Variants in PID1 observed in about 807,000 individuals in gnomAD.
PID1 encodes the protein PTB-containing, cubilin and LRP1-interacting protein.
In PID1, 10 loss-of-function variants were observed where a neutral mutation model predicts 19.1. The observed-to-expected ratio is 0.52, with a 90% confidence interval of 0.32 to 0.89. PID1 has a LOEUF of 0.89. Among genes scored for constraint, PID1 ranks in the 40% least tolerant of loss-of-function variants. The pLI, the probability that PID1 is intolerant of heterozygous loss-of-function variation, is 0.03. For synonymous variants in PID1, 130 were observed against 116.0 expected (o/e 1.12, Z -0.78); for missense variants, 248 against 285.3 (o/e 0.87, Z 0.94).
chr2:229,120,733 T>C (rs1167410232), intron 2 of PID1, among the ~76,000 whole-genome samples: 3 of 152,020 alleles, frequency 2.0e-5, no homozygotes, highest in Non-Finnish European at 4.4e-5. Context: ...GTCCCCAACA[T>C]GGAGGTACTG....
At chr2:229,270,966 G>T in intron 1 of PID1, 48 bp downstream of exon 1, 1 of 1,484,586 alleles carries the variant, frequency 6.7e-7, no homozygotes, top group Non-Finnish European at 9.0e-7. Flanking sequence ...TCCTCTGCCC[G>T]GGCACCTCCT....
chr2:229,168,139 T>TATA (rs1160470193), intron 1 of PID1, among the ~76,000 whole-genome samples: 1 of 152,206 alleles, frequency 6.6e-6, no homozygotes. Context: ...AAGCCAGTTA[T>TATA]ATAGCTTGTT....
At chr2:229,200,188 G>A (rs1691468073) in intron 1 of PID1, among the ~76,000 whole-genome samples, 1 of 151,958 alleles carries the variant, frequency 6.6e-6, no homozygotes, top group Admixed American at 6.6e-5. Flanking sequence ...GCCATCTGAG[G>A]AGTTATTTGG....
intron 1 of PID1, among the ~76,000 whole-genome samples, chr2:229,247,783 TA>T (rs1218016348): frequency 6.6e-6 from 1 of 152,202 alleles, no homozygotes; most frequent in East Asian, 1.9e-4. Flanking sequence ...CACGCATGCA[TA>T]ATGTCTTCTT....
chr2:229,249,896 T>A (rs1690107079), intron 1 of PID1, among the ~76,000 whole-genome samples: 1 of 152,080 alleles, frequency 6.6e-6, no homozygotes, highest in Non-Finnish European at 1.5e-5. Flanking sequence ...GAAACAACAT[T>A]AGCAAAAGCA....
At chr2:229,108,406 C>G (rs1324051608) in intron 2 of PID1, among the ~76,000 whole-genome samples, 3 of 152,134 alleles carry the variant, frequency 2.0e-5, no homozygotes, top group African/African-American at 7.2e-5. Flanking sequence ...GGGGAGCAAA[C>G]AGTGACCCAG....
chr2:229,114,296 T>C (rs745585355), intron 2 of PID1, among the ~76,000 whole-genome samples: 2 of 152,110 alleles, frequency 1.3e-5, no homozygotes, highest in Non-Finnish European at 2.9e-5. Context: ...TATATTTTTT[T>C]CAGGGATACT....
intron 2 of PID1, among the ~76,000 whole-genome samples, chr2:229,034,660 T>G (rs1329663877): frequency 6.6e-6 from 1 of 151,998 alleles, no homozygotes; most frequent in African/African-American, 2.4e-5. Context: ...GAGACACCCA[T>G]AACAATAGCA....
chr2:229,240,464 T>G (rs1689841995), intron 1 of PID1, among the ~76,000 whole-genome samples: 2 of 152,178 alleles, frequency 1.3e-5, no homozygotes, highest in African/African-American at 4.8e-5. Context: ...ATGTCCATGG[T>G]GTATCTCTCC....
At chr2:229,216,499 A>G (rs1559289261) in intron 1 of PID1, among the ~76,000 whole-genome samples, 1 of 152,182 alleles carries the variant, frequency 6.6e-6, no homozygotes, top group African/African-American at 2.4e-5. Flanking sequence ...CTAAATGACC[A>G]TGTCTCAGAG....
intron 2 of PID1, among the ~76,000 whole-genome samples, chr2:229,054,733 G>T (rs1479250084): frequency 1.8e-4 from 15 of 83,264 alleles, no homozygotes; most frequent in African/African-American, 3.3e-4. Flanking sequence ...GGGGGGGGGG[G>T]GTCTGGTTTT....
intron 2 of PID1, among the ~76,000 whole-genome samples, chr2:229,042,928 T>G (rs1280353219): frequency 6.6e-6 from 1 of 151,988 alleles, no homozygotes; most frequent in Non-Finnish European, 1.5e-5. Flanking sequence ...CCTATTAGAT[T>G]TTTTTCTTTT....
intron 1 of PID1, among the ~76,000 whole-genome samples, chr2:229,207,910 T>C (rs1031350963): frequency 2.6e-5 from 4 of 152,044 alleles, no homozygotes; most frequent in Non-Finnish European, 4.4e-5. Flanking sequence ...TGTGTTGCCA[T>C]TGAGACCCCT....
At chr2:229,045,487 T>A (rs1028952499) in intron 2 of PID1, among the ~76,000 whole-genome samples, 1 of 152,242 alleles carries the variant, frequency 6.6e-6, no homozygotes, top group Non-Finnish European at 1.5e-5. Context: ...GAGCTGCTGG[T>A]GGCTTGACTT....
intron 2 of PID1, among the ~76,000 whole-genome samples, chr2:229,152,191 C>T (rs6725974): frequency 0.95 from 144,552 of 152,206 alleles, 69,071 homozygotes; most frequent in East Asian, 1. Context: ...CCTCCAAACA[C>T]GGTTTGCCTT....
Position 229,058,687 on chromosome 2 carries a change from A to G in PID1, c.178-32579T>C, listed in dbSNP as rs73998535. On this transcript the variant is annotated intron_variant, in intron 2 of 2. Transcript: ENST00000392055. ...TGCTAAGTCAATAAATTTGCGTTTG[A>G]TCACATTCATTATGTTAATTAAATT... 4.2e-3 allele frequency among the ~76,000 whole-genome samples: 638 copies of G among 151,246 alleles called. 5 individuals are homozygous for G. The highest frequency in any genetic ancestry group is 0.015 in the African/African-American group (605 of 41,234).
chr2:229,158,713 T>C (rs899505344), intron 1 of PID1, among the ~76,000 whole-genome samples: 5 of 151,916 alleles, frequency 3.3e-5, no homozygotes, highest in Non-Finnish European at 7.4e-5. Context: ...AACACAAGAC[T>C]GAAAGAAGTG....
At chr2:229,206,305 A>AT (rs1248233722) in intron 1 of PID1, among the ~76,000 whole-genome samples, 2 of 137,912 alleles carry the variant, frequency 1.5e-5, no homozygotes, top group East Asian at 3.3e-4. Flanking sequence ...ACTAATGGTT[A>AT]ATTTTTATTT....
At chr2:229,241,587 C>G (rs950765978) in intron 1 of PID1, among the ~76,000 whole-genome samples, 4 of 152,110 alleles carry the variant, frequency 2.6e-5, no homozygotes, top group African/African-American at 9.7e-5. Context: ...CTTTATAATT[C>G]TGAAAGCTAC....
Sources: allele counts gnomAD v4.1 joint callset (sites outside exome capture counted in the v4.1 genomes callset), GRCh38; gene constraint gnomAD v4.1.1; transcripts MANE v1.5; gene names NCBI Gene and HGNC (gene_info 2026-07-23, HGNC 2026-07-21).